RAPGEF5: variants seen among roughly 807,000 people sequenced by gnomAD.
RAPGEF5 encodes the protein M-Ras-regulated GEF.
A neutral mutation model predicts 125.2 loss-of-function variants in RAPGEF5; 65 were observed. The ratio of observed to expected loss-of-function variants is 0.52; its 90% CI spans 0.43 to 0.64. The LOEUF (loss-of-function observed/expected upper bound fraction) is 0.64. RAPGEF5 is among the 30% of genes least tolerant of loss of function. The pLI is 0.00. For synonymous variants in RAPGEF5, 391 were observed against 385.9 expected (o/e 1.01, Z -0.16); for missense variants, 958 against 1,048.1 (o/e 0.91, Z 1.19).
intron 8 of RAPGEF5, among the ~76,000 whole-genome samples, chr7:22,230,237 CA>C (rs1216122298): frequency 2.6e-4 from 40 of 152,098 alleles, no homozygotes; most frequent in Admixed American, 2.2e-3. Context: ...ATTACCACAG[CA>C]AAACAATGTG....
chr7:22,357,046 C>T lies in RAPGEF5; in HGVS notation c.15G>A (p.Val5=). 1 of 1,036,898 alleles carries T rather than the reference C, an allele frequency of 9.6e-7. No homozygotes were observed. Among genetic ancestry groups the T allele is most frequent in the Non-Finnish European group, 1.2e-6 (1 of 864,880 alleles). The allele number at this position is 1,036,898 out of a possible 1,614,324, so 64.2% of individuals were successfully genotyped here. Residue 5 remains valine, a synonymous_variant, in exon 1 of 26, where the codon GTG becomes GTA. Transcript: ENST00000665637. ...ACGGCGGCTGCATCTTGACGGAGCCCACGGCCATCCTCATGCCCTGACGGC... is the reference window on the plus strand; with the variant it reads ...ACGGCGGCTGCATCTTGACGGAGCCTACGGCCATCCTCATGCCCTGACGGC... The part of the protein sequence containing the change: MRMA[V]GSVKMQPPCE...
At chr7:22,333,375 T>C (rs1020226974) in intron 1 of RAPGEF5, among the ~76,000 whole-genome samples, 3 of 152,092 alleles carry the variant, frequency 2.0e-5, no homozygotes, top group Non-Finnish European at 4.4e-5. Context: ...AATGTTTTTT[T>C]AAGTAAAGCT....
chr7:22,194,533 T>C, intron 9 of RAPGEF5: 10 of 926,752 alleles, frequency 1.1e-5, no homozygotes, highest in Non-Finnish European at 1.3e-5. Flanking sequence ...TTTACACCCT[T>C]ACTTTAAAAG....
At chr7:22,164,543 G>A (rs1256597667) in intron 12 of RAPGEF5, among the ~76,000 whole-genome samples, 4 of 152,154 alleles carry the variant, frequency 2.6e-5, no homozygotes, top group Non-Finnish European at 5.9e-5. Context: ...ACAATTTCAA[G>A]AAGCAACACT....
chr7:22,129,097 G>C (rs1402440885), intron 24 of RAPGEF5, among the ~76,000 whole-genome samples: 1 of 152,056 alleles, frequency 6.6e-6, no homozygotes, highest in Admixed American at 6.6e-5. Context: ...CTGGTCAGAA[G>C]GAAGGTGGGA....
intron 5 of RAPGEF5, among the ~76,000 whole-genome samples, chr7:22,293,953 A>G (rs889389627): frequency 2.0e-5 from 3 of 152,216 alleles, no homozygotes; most frequent in East Asian, 3.9e-4. Flanking sequence ...ATTTAAACAC[A>G]TTCTGTTTTA....
chr7:22,132,692 C>T (rs1405990242), intron 23 of RAPGEF5, among the ~76,000 whole-genome samples: 1 of 152,190 alleles, frequency 6.6e-6, no homozygotes, highest in Non-Finnish European at 1.5e-5. Context: ...TAGTCCATTT[C>T]CCCTGCATTA....
At chr7:22,143,379 C>T (rs888390020) in intron 20 of RAPGEF5, among the ~76,000 whole-genome samples, 2 of 152,134 alleles carry the variant, frequency 1.3e-5, no homozygotes, top group Non-Finnish European at 2.9e-5. Context: ...AGTTTCAGAC[C>T]AACCTTCCTG....
chr7:22,264,153 A>G (rs1298121294), intron 7 of RAPGEF5, among the ~76,000 whole-genome samples: 1 of 152,116 alleles, frequency 6.6e-6, no homozygotes, highest in Non-Finnish European at 1.5e-5. Context: ...TGTTAAAAAA[A>G]ATGCAACAGA....
intron 11 of RAPGEF5, among the ~76,000 whole-genome samples, chr7:22,173,335 C>T (rs547821471): frequency 3.9e-5 from 6 of 152,312 alleles, no homozygotes; most frequent in Admixed American, 6.5e-5. Flanking sequence ...TTAACGACCT[C>T]GAACGCAGCT....
chr7:22,272,342 CAAAAAAAAAAAA>C (rs1282857477), intron 6 of RAPGEF5, among the ~76,000 whole-genome samples: 2 of 35,984 alleles, frequency 5.6e-5, no homozygotes, highest in Non-Finnish European at 6.1e-5. Context: ...GACTCCGTCT[CAAAAAAAAAAAA>C]AAAAAAAAAG....
rs770918254 is a variant in RAPGEF5, at chr7:22,154,440, T to C, written c.1786+15A>G. 2.5e-6 allele frequency: 4 copies of C among 1,612,594 alleles called. No homozygotes were observed. The highest frequency in any genetic ancestry group is 1.7e-6 in the Non-Finnish European group (2 of 1,179,382). On this transcript the variant is annotated intron_variant, in intron 17 of 25. Transcript: ENST00000665637. ...TCAGTGAAAGATTAATATTCAAGGG[T>C]AGAAAACAACTTACCCCCAGAGAAT...
At chr7:22,125,777 C>T (rs1220171877) in intron 24 of RAPGEF5, 119 bp from the exon 25 acceptor site, 1 of 933,262 alleles carries the variant, frequency 1.1e-6, no homozygotes, top group Non-Finnish European at 1.7e-6. Context: ...AAGAGAAGAA[C>T]TGTATTTGGA....
chr7:22,210,118 T>C (rs1785476784), intron 9 of RAPGEF5, among the ~76,000 whole-genome samples: 1 of 152,196 alleles, frequency 6.6e-6, no homozygotes, highest in African/African-American at 2.4e-5. Context: ...TCTAAAGTTC[T>C]TTCTAATGCC....
chr7:22,273,152 C>G (rs1238587073), intron 6 of RAPGEF5, among the ~76,000 whole-genome samples: 1 of 151,584 alleles, frequency 6.6e-6, no homozygotes, highest in Non-Finnish European at 1.5e-5. Flanking sequence ...GTTTGTTAAG[C>G]ATGCTGTGAT....
intron 11 of RAPGEF5, among the ~76,000 whole-genome samples, chr7:22,179,288 T>C (rs1784601650): frequency 6.6e-6 from 1 of 152,178 alleles, no homozygotes; most frequent in Admixed American, 6.6e-5. Context: ...ATATGAAAAA[T>C]GTTTCTAACA....
At chr7:22,299,168 T>C (rs953333269) in intron 5 of RAPGEF5, among the ~76,000 whole-genome samples, 2 of 152,116 alleles carry the variant, frequency 1.3e-5, no homozygotes, top group Non-Finnish European at 2.9e-5. Flanking sequence ...GCCCTGATCA[T>C]TGATCTAAGA....
intron 23 of RAPGEF5, 94 bp downstream of exon 23, chr7:22,135,944 G>T: frequency 1.1e-6 from 1 of 938,292 alleles, no homozygotes; most frequent in South Asian, 1.8e-5. Context: ...ACTGTAAAGA[G>T]ACAAAATGAG....
chr7:22,255,225 T>A (rs973951864), intron 7 of RAPGEF5, among the ~76,000 whole-genome samples: 2 of 152,178 alleles, frequency 1.3e-5, no homozygotes, highest in Admixed American at 6.5e-5. Flanking sequence ...AAAAACAATT[T>A]AACGTAAAAC....
Sources: allele counts gnomAD v4.1 joint callset (sites outside exome capture counted in the v4.1 genomes callset), GRCh38; gene constraint gnomAD v4.1.1; transcripts MANE v1.5; gene names NCBI Gene and HGNC (gene_info 2026-07-23, HGNC 2026-07-21).